The following ADAMTS20 variants were observed in gnomAD, a reference collection of about 807,000 sequenced individuals.
ADAMTS20 encodes the protein A disintegrin and metalloproteinase with thrombospondin motifs 20.
A neutral mutation model predicts 260.1 loss-of-function variants in ADAMTS20; 225 were observed. The observed-to-expected ratio is 0.87, with a 90% CI of 0.78 to 0.97. The LOEUF is 0.97. ADAMTS20 is among the 50% of genes least tolerant of loss of function. The probability of loss-of-function intolerance (pLI) is 0.00; values close to 1 mark genes in which losing one functional copy is unlikely to be tolerated. For synonymous variants in ADAMTS20, 802 were observed against 769.5 expected, an observed-to-expected ratio of 1.04 and a Z score of -0.70; for missense variants, 2,400 against 2,337.7, an observed-to-expected ratio of 1.03 and a Z score of -0.55.
chr12:43,502,262 G>T lies in ADAMTS20; in HGVS notation c.757C>A (p.Arg253Ser), dbSNP rs148832386. ...KDERRHSRKK[R>S]LISYPRYIEI... ...ATGTATCTTGGATATGATATAAGAC[G>T]TTTTTTCCTGGAATGTCTTCTTTCA... The change falls in exon 4 of 39, where the codon CGT (arginine) becomes AGT (serine). Residue 253 changes from arginine (R) to serine (S), a missense_variant. Physicochemically the swap from Arg to Ser is moderately radical, Grantham distance 110 (BLOSUM62 -1). Transcript: ENST00000389420. 1 of 1,611,970 alleles carries T rather than the reference G, an allele frequency of 6.2e-7. No individual in the cohort carries two copies. The highest frequency in any genetic ancestry group is 8.5e-7 in the Non-Finnish European group (1 of 1,179,224).
At chr12:43,522,137 G>A (rs1426362002) in intron 3 of ADAMTS20, among the ~76,000 whole-genome samples, 2 of 152,126 alleles carry the variant, frequency 1.3e-5, no homozygotes, top group East Asian at 3.8e-4. Flanking sequence ...CCATGGCTGG[G>A]GAGGCCTCAG....
Position 43,492,541 on chromosome 12 carries a change from T to A in ADAMTS20, c.1040A>T (p.His347Leu). Residue 347 changes from histidine (H) to leucine (L), a missense_variant, in exon 6 of 39, where the codon CAC (histidine) becomes CTC (leucine). Transcript: ENST00000389420. ...QQTQNDLDDVHPSHHDTAVLI... is the reference protein window; with the variant it reads ...QQTQNDLDDVLPSHHDTAVLI... ...AACAGCAGTGTCATGGTGGGAAGGG[T>A]GAACATCATCAAGGTCATTCTGAGT... The A allele has an allele frequency of 6.2e-7, 1 of 1,613,798 alleles. No individual in the cohort carries two copies. The highest frequency in any genetic ancestry group is 8.5e-7 in the Non-Finnish European group (1 of 1,179,818).
rs1209750009 is a variant in ADAMTS20 at position 43,524,946 on chromosome 12, G to T, written c.613+7090C>A. ...GTGGGAAGAGAAAGCAAAAACTTTT[G>T]AAATTTTGTTTAAGAAAATAATTGA... On this transcript the variant is annotated intron_variant, in intron 3 of 38. Coordinates refer to ENST00000389420, the MANE Select transcript of ADAMTS20 (RefSeq NM_025003.5). Among the ~76,000 whole-genome samples the T allele has an allele frequency of 7.2e-5, 11 of 152,250 alleles. No homozygotes were observed. In the East Asian group the frequency reaches 1.9e-3, roughly 27 times the overall value.
intron 3 of ADAMTS20, among the ~76,000 whole-genome samples, chr12:43,530,818 G>A (rs1371597590): frequency 6.6e-6 from 1 of 151,916 alleles, no homozygotes; most frequent in African/African-American, 2.4e-5. Flanking sequence ...TATACTCTTT[G>A]TAGAAATCTA....
intron 29 of ADAMTS20, among the ~76,000 whole-genome samples, chr12:43,397,241 C>G (rs1940722924): frequency 6.6e-6 from 1 of 152,070 alleles, no homozygotes; most frequent in Admixed American, 6.6e-5. Context: ...TGTCCATTGT[C>G]GCCAAGAGGA....
At position 43,551,112 on chromosome 12, in the gene ADAMTS20, C is replaced by G. The variant is rs2137537594; in HGVS notation, c.250G>C (p.Ala84Pro). The G allele has an allele frequency of 6.2e-7, 1 of 1,613,918 alleles. No homozygotes were observed. Among genetic ancestry groups the G allele is most frequent in the South Asian group, 1.1e-5 (1 of 91,086 alleles). ...MPFRTHYRFT[A>P]YGQLFQLNLT... ...TTCAGCTGGAAGAGCTGCCCGTAGGCAGTGAAGCGATAGTGGGTTCGGAAC... is the reference window on the plus strand; with the variant it reads ...TTCAGCTGGAAGAGCTGCCCGTAGGGAGTGAAGCGATAGTGGGTTCGGAAC... Residue 84 changes from alanine to proline, a missense_variant, in exon 2 of 39, where the codon GCC becomes CCC. By Grantham distance (27) the Ala-to-Pro change is conservative (BLOSUM62 -1). Coordinates refer to ENST00000389420, the MANE Select transcript of ADAMTS20 (RefSeq NM_025003.5). The surrounding 1 kb of genome is among the most constrained non-coding windows in gnomAD (Gnocchi z 4.6).
chr12:43,360,971 C>T lies in ADAMTS20; in HGVS notation c.5539-4383G>A, dbSNP rs1939854735. On this transcript the variant is annotated intron_variant, in intron 37 of 38. Transcript: ENST00000389420. ...GTAATTACCAACCAGTTAAATAGATCCACATTACTTTTGTTTTTTAAAAGT... is the reference window on the plus strand; with the variant it reads ...GTAATTACCAACCAGTTAAATAGATTCACATTACTTTTGTTTTTTAAAAGT... 3.9e-5 allele frequency among the ~76,000 whole-genome samples: 6 copies of T among 152,316 alleles called. No homozygotes were observed. The South Asian group carries it at 1.2e-3, about 32-fold the overall frequency.
At chr12:43,353,396 T>A (rs569756228), downstream of ADAMTS20, among the ~76,000 whole-genome samples, 20 of 152,078 alleles carry the variant, frequency 1.3e-4, no homozygotes, top group South Asian at 4.1e-3. Context: ...AGAAAATAGA[T>A]TTTTAAAGAA....
chr12:43,474,037 A>G (rs931188491), intron 7 of ADAMTS20, among the ~76,000 whole-genome samples: 3 of 151,866 alleles, frequency 2.0e-5, no homozygotes, highest in African/African-American at 7.3e-5. Flanking sequence ...CAAAAAATCA[A>G]TGAATCCAGG....
At chr12:43,402,718 G>GT (rs1555175298) in intron 28 of ADAMTS20, among the ~76,000 whole-genome samples, 2 of 151,942 alleles carry the variant, frequency 1.3e-5, no homozygotes, top group East Asian at 3.9e-4. Flanking sequence ...GCAATCTGCT[G>GT]TTTTTTTCCC....
At chr12:43,392,318 G>A (rs915476125) in intron 29 of ADAMTS20, among the ~76,000 whole-genome samples, 23 of 151,610 alleles carry the variant, frequency 1.5e-4, no homozygotes, top group African/African-American at 5.1e-4. Context: ...AAGAATTCCT[G>A]GAAAAAAATA....
rs115820036 is a variant in ADAMTS20, at chr12:43,378,060, G to A, written c.4798-498C>T. ...TAAATTAAAGCCCCAATCCAAAAAT[G>A]GGCAAATAGATTTCTGCTTTTAGCA... On this transcript the variant is annotated intron_variant, in intron 31 of 38. Transcript: ENST00000389420. Among the ~76,000 whole-genome samples, 691 of 152,252 alleles carry A rather than the reference G, an allele frequency of 4.5e-3. 6 individuals are homozygous for A. Among genetic ancestry groups the A allele is most frequent in the African/African-American group, 0.016 (662 of 41,542 alleles).
chr12:43,501,570 C>G (rs1322457472), intron 4 of ADAMTS20, among the ~76,000 whole-genome samples: 1 of 151,678 alleles, frequency 6.6e-6, no homozygotes, highest in Non-Finnish European at 1.5e-5. Flanking sequence ...GAATTCAGTT[C>G]TGTGGGTACT....
At chr12:43,412,428 A>T (rs1305786325) in intron 28 of ADAMTS20, among the ~76,000 whole-genome samples, 1 of 152,208 alleles carries the variant, frequency 6.6e-6, no homozygotes, top group African/African-American at 2.4e-5. Flanking sequence ...GAGTTGAATG[A>T]TCTTTAGTCC....
In ADAMTS20 at chr12:43,550,972, G is replaced by A. The variant is rs770864199; in HGVS notation, c.390C>T (p.Phe130=). 5.8e-5 allele frequency: 93 copies of A among 1,606,106 alleles called. No individual in the cohort carries two copies. The Middle Eastern group carries it at 6.6e-4, about 11-fold the overall frequency. Residue 130 remains phenylalanine (F), a synonymous_variant, in exon 2 of 39, where the codon TTC becomes TTT. Coordinates refer to ENST00000389420, the MANE Select transcript of ADAMTS20 (RefSeq NM_025003.5). ...DAGPSDLRHC[F]YRGQVNSQED... is the part of the protein sequence containing the mutation. ...CCTGTGAGTTGACCTGGCCGCGGTA[G>A]AAGCAGTGGCGCAGGTCCGAGGGCC...
chr12:43,490,754 A>G (rs181768807), intron 6 of ADAMTS20, among the ~76,000 whole-genome samples: 136 of 152,246 alleles, frequency 8.9e-4, no homozygotes, highest in East Asian at 6.8e-3. Flanking sequence ...TGATGATTCA[A>G]TGTCATCATC....
intron 31 of ADAMTS20, among the ~76,000 whole-genome samples, chr12:43,382,668 T>TA (rs1298614456): frequency 1.3e-5 from 2 of 151,766 alleles, no homozygotes; most frequent in African/African-American, 4.8e-5. Flanking sequence ...AGATAATTTT[T>TA]AAAAAAATTC....
intron 12 of ADAMTS20, 83 bp downstream of exon 12, chr12:43,453,824 A>G: frequency 2.7e-6 from 4 of 1,467,256 alleles, no homozygotes; most frequent in Non-Finnish European, 2.8e-6. Flanking sequence ...ACTGACCTCC[A>G]GTTTTAGAAG....
At chr12:43,383,115 A>G (rs1940390336) in intron 31 of ADAMTS20, among the ~76,000 whole-genome samples, 1 of 150,836 alleles carries the variant, frequency 6.6e-6, no homozygotes, top group Non-Finnish European at 1.5e-5. Context: ...GAGGGGGGAA[A>G]GAGATTATAA....
Sources: gnomAD v4.1 joint callset for allele counts (sites outside exome capture counted in the v4.1 genomes callset) on GRCh38, gnomAD v4.1.1 for gene constraint, Gnocchi (gnomAD v3.1) non-coding constraint, MANE v1.5 for transcripts, NCBI Gene and HGNC (gene_info 2026-07-23, HGNC 2026-07-21) for gene names.